Variants in FANCB observed in about 807,000 individuals in gnomAD.
The protein encoded by FANCB is FA complementation group B, also known as Fanconi anemia group B protein.
Under a neutral mutation model 38.9 loss-of-function variants are expected in FANCB, and 5 were observed. That is an observed-to-expected ratio of 0.13 (90% CI 0.07 to 0.27). FANCB has a LOEUF of 0.27. FANCB is among the 10% of genes least tolerant of loss of function. The probability of loss-of-function intolerance (pLI) is 1.00; values close to 1 mark genes in which losing one functional copy is unlikely to be tolerated. For missense variants in FANCB, 573 were observed against 602.7 expected (o/e 0.95, Z 0.52); for synonymous variants, 236 against 215.4 (o/e 1.10, Z -0.84).
At chrX:14,769,293 G>C in the FANCB span, among the ~76,000 whole-genome samples, 2 of 111,183 alleles carry the variant, frequency 1.8e-5, no homozygotes. Flanking sequence ...GTCGGGTCCT[G>C]GGCTTTTTTT....
chrX:14,855,827 T>A (rs1333451451), intron 5 of FANCB, among the ~76,000 whole-genome samples: 2 of 112,281 alleles, frequency 1.8e-5, no homozygotes, highest in Non-Finnish European at 3.8e-5. Context: ...ACCACCAATT[T>A]AAGTTCAATA....
intron 6 of FANCB, among the ~76,000 whole-genome samples, chrX:14,851,286 A>AT (rs2092400476): frequency 8.9e-6 from 1 of 112,050 alleles, no homozygotes; most frequent in Admixed American, 9.4e-5. Context: ...AATTCATTTA[A>AT]CCCACACAAT....
At chrX:14,800,195 G>C in the FANCB span, among the ~76,000 whole-genome samples, 2 of 111,792 alleles carry the variant, frequency 1.8e-5, no homozygotes, top group Non-Finnish European at 3.8e-5. Context: ...ATACAGGAAG[G>C]ATCTATGAAG....
chrX:14,850,168 G>A (rs1325553881), intron 7 of FANCB, among the ~76,000 whole-genome samples: 3 of 111,159 alleles, frequency 2.7e-5, no homozygotes, highest in South Asian at 3.8e-4. Flanking sequence ...TGGCCAACAC[G>A]GCAAAACTCC....
chrX:14,834,159 T>A (rs1474386439), downstream of FANCB, among the ~76,000 whole-genome samples: 120 of 111,946 alleles, frequency 1.1e-3, 2 homozygotes, highest in Non-Finnish European at 4.9e-4. Context: ...ATTTTTTTTT[T>A]AATTAAAATA....
the FANCB span, among the ~76,000 whole-genome samples, chrX:14,781,061 A>C: frequency 9.1e-5 from 10 of 109,809 alleles, no homozygotes; most frequent in South Asian, 3.8e-4. Context: ...AAAAACCAAC[A>C]AAGTATGTGT....
At chrX:14,851,314 T>C (rs1452904246) in intron 6 of FANCB, among the ~76,000 whole-genome samples, 1 of 111,900 alleles carries the variant, frequency 8.9e-6, no homozygotes, top group African/African-American at 3.3e-5. Context: ...GTGCCCTAGG[T>C]CTGTGGTATT....
At chrX:14,805,263 A>T in the FANCB span, among the ~76,000 whole-genome samples, 5 of 111,589 alleles carry the variant, frequency 4.5e-5, no homozygotes, top group Non-Finnish European at 9.4e-5. Flanking sequence ...TTACCTCTTG[A>T]TTCATGTTTG....
intron 4 of FANCB, among the ~76,000 whole-genome samples, 179 bp from the exon 5 acceptor site, chrX:14,858,133 T>C (rs1157927021): frequency 8.9e-6 from 1 of 111,869 alleles, no homozygotes; most frequent in Non-Finnish European, 1.9e-5. Flanking sequence ...GGCTCACGCC[T>C]GTAATCCCAG....
the FANCB span, among the ~76,000 whole-genome samples, chrX:14,750,529 T>G: frequency 4.5e-5 from 5 of 111,623 alleles, no homozygotes; most frequent in African/African-American, 6.5e-5. Context: ...TCCACTCATA[T>G]TCCTGTGGTG....
the FANCB span, among the ~76,000 whole-genome samples, chrX:14,790,379 G>C: frequency 8.9e-6 from 1 of 111,783 alleles, no homozygotes; most frequent in African/African-American, 3.3e-5. Context: ...AGAGATCAGA[G>C]AATCTAGGTT....
chrX:14,742,138 C>T, the FANCB span, among the ~76,000 whole-genome samples: 2 of 111,749 alleles, frequency 1.8e-5, no homozygotes, highest in Admixed American at 1.9e-4. Flanking sequence ...CATACCTCAA[C>T]AGGACCAATA....
the FANCB span, among the ~76,000 whole-genome samples, chrX:14,710,374 T>C: frequency 5.3e-5 from 6 of 112,168 alleles, no homozygotes; most frequent in East Asian, 1.1e-3. Context: ...GCCTCTAGGC[T>C]ATCAAAACAA....
At chrX:14,695,507 A>G in the FANCB span, among the ~76,000 whole-genome samples, 1 of 112,225 alleles carries the variant, frequency 8.9e-6, no homozygotes, top group Non-Finnish European at 1.9e-5. Flanking sequence ...GGAGACAACT[A>G]TTTCACCCAT....
downstream of FANCB, chrX:14,835,172 T>A: frequency 3.8e-6 from 2 of 531,588 alleles, no homozygotes; most frequent in Non-Finnish European, 6.8e-6. Context: ...TTTGCACCAG[T>A]CCCTAAACAG....
the FANCB span, among the ~76,000 whole-genome samples, chrX:14,808,892 C>T: frequency 2.7e-5 from 3 of 112,171 alleles, no homozygotes; most frequent in Non-Finnish European, 5.6e-5. Context: ...CAACAAAAAT[C>T]GGTAGCATTT....
At chrX:14,766,659 ATCTT>A in the FANCB span, among the ~76,000 whole-genome samples, 3 of 108,737 alleles carry the variant, frequency 2.8e-5, no homozygotes, top group East Asian at 2.9e-4. Context: ...TCATTAACTC[ATCTT>A]TCTTTTTCTT....
At position 14,868,955 on chromosome X, in the gene FANCB, T is replaced by C. The variant is rs909489473; in HGVS notation, c.-103A>G. On this transcript the variant is annotated 5_prime_UTR_variant, in exon 2 of 10. Transcript: ENST00000650831. ...TTGTTAGGCAATTAACAGAAAGATC[T>C]GGGACAATAGGCATCACAAAGTAGT... The C allele has an allele frequency of 4.5e-5, 5 of 112,134 alleles. No individual in the cohort carries two copies. Among genetic ancestry groups the C allele is most frequent in the African/African-American group, 1.6e-4 (5 of 30,912 alleles). 9.2% of individuals were successfully genotyped at this position (112,134 alleles called of 1,213,427 possible). A position where few individuals can be genotyped will look rare whatever the true frequency, so the allele number is the denominator to read the frequency against.
the FANCB span, among the ~76,000 whole-genome samples, chrX:14,742,421 C>T: frequency 4.5e-5 from 5 of 111,597 alleles, no homozygotes; most frequent in African/African-American, 3.3e-5. Flanking sequence ...TTAAATTATC[C>T]CTCTGTCTTT....
Sources: gnomAD v4.1 joint callset for allele counts (sites outside exome capture counted in the v4.1 genomes callset) on GRCh38, gnomAD v4.1.1 for gene constraint, MANE v1.5 for transcripts, NCBI Gene and HGNC (gene_info 2026-07-23, HGNC 2026-07-21) for gene names.